The following PTGIS variants were observed in gnomAD, a reference collection of about 807,000 sequenced individuals.
The protein encoded by PTGIS is prostaglandin I2 synthase.
PTGIS carries 45 observed loss-of-function variants against 50.3 expected under a neutral mutation model. The ratio of observed to expected loss-of-function variants is 0.90; its 90% CI spans 0.70 to 1.15. The LOEUF is 1.15. Ranked by LOEUF, PTGIS falls within the 50% of genes most tolerant of loss-of-function variation. The pLI, the probability that PTGIS is intolerant of heterozygous loss-of-function variation, is 0.00. For synonymous variants in PTGIS, 260 were observed against 267.7 expected, an observed-to-expected ratio of 0.97 and a Z score of 0.28; for missense variants, 668 against 661.3, an observed-to-expected ratio of 1.01 and a Z score of -0.11.
rs1252946121 is a variant in PTGIS at position 49,506,534 on chromosome 20, C to A, written c.*1386G>T. ...CTGGGATTACAGGCACGCACCGCCA[C>A]ACCTGACTAATTTTTTTATGTTTAG... On this transcript the variant is annotated 3_prime_UTR_variant, in exon 10 of 10. Coordinates refer to ENST00000244043, the MANE Select transcript of PTGIS (RefSeq NM_000961.4). The A allele has an allele frequency of 6.6e-6, 1 of 152,176 alleles. No individual in the cohort carries two copies. Among genetic ancestry groups the A allele is most frequent in the African/African-American group, 2.4e-5 (1 of 41,440 alleles). The allele number at this position is 152,176 out of a possible 1,614,324, so 9.4% of individuals were successfully genotyped here.
chr20:49,514,260 G>C lies in PTGIS; in HGVS notation c.991C>G (p.Pro331Ala), dbSNP rs757037824. Residue 331 changes from proline to alanine, a missense_variant, in exon 7 of 10, where the codon CCA becomes GCA. By Grantham distance (27) the Pro-to-Ala change is conservative. Coordinates refer to ENST00000244043, the MANE Select transcript of PTGIS (RefSeq NM_000961.4). ...GGTGTGCTGTCTAGAACCTTCTGTG[G>C]GAGAGTGGTCGTCTGCGAGACAGGC... ...EQPVSQTTTL[P>A]QKVLDSTPVL... is the part of the protein sequence containing the mutation. 5 of 1,614,056 alleles carry C rather than the reference G, an allele frequency of 3.1e-6. No individual in the cohort carries two copies. Among genetic ancestry groups the C allele is most frequent in the African/African-American group, 1.3e-5 (1 of 75,046 alleles).
chr20:49,519,657 A>C (rs1304300664), intron 6 of PTGIS, among the ~76,000 whole-genome samples: 1 of 151,842 alleles, frequency 6.6e-6, no homozygotes, highest in Admixed American at 6.6e-5. Context: ...TCTCTTCTCC[A>C]GGTGTCCACT....
chr20:49,533,034 T>C (rs1185413817), intron 5 of PTGIS, among the ~76,000 whole-genome samples: 1 of 152,186 alleles, frequency 6.6e-6, no homozygotes, highest in South Asian at 2.1e-4. Flanking sequence ...TTAAACCAGA[T>C]TGGTGTATCT....
intron 6 of PTGIS, among the ~76,000 whole-genome samples, chr20:49,523,222 G>A (rs187888072): frequency 4.6e-5 from 7 of 152,270 alleles, no homozygotes; most frequent in Non-Finnish European, 1.0e-4. Context: ...TTATTGTACT[G>A]TGGTCATGCA....
At chr20:49,566,177 C>A (rs1363779507) in intron 1 of PTGIS, among the ~76,000 whole-genome samples, 1 of 152,038 alleles carries the variant, frequency 6.6e-6, no homozygotes, top group Non-Finnish European at 1.5e-5. Context: ...TTGCGGTGAG[C>A]CGAGATCGTG....
intron 5 of PTGIS, among the ~76,000 whole-genome samples, chr20:49,530,084 G>A (rs560323799): frequency 1.6e-4 from 24 of 151,864 alleles, no homozygotes; most frequent in Non-Finnish European, 2.9e-4. Context: ...AATCTGGGGG[G>A]CGGAGGTTGT....
rs561545897 is a variant in PTGIS, at chr20:49,516,547, A to G, written c.856-2152T>C. On this transcript the variant is annotated intron_variant, in intron 6 of 9. Transcript: ENST00000244043. ...TCATGAGAGATGCTCATGTTACAATATTAAACCAAATAGAAGGTTAGATTA... is the reference window on the plus strand; with the variant it reads ...TCATGAGAGATGCTCATGTTACAATGTTAAACCAAATAGAAGGTTAGATTA... 2.6e-5 allele frequency among the ~76,000 whole-genome samples: 4 copies of G among 152,370 alleles called. No individual in the cohort carries two copies. In the East Asian group the frequency reaches 7.7e-4, roughly 29 times the overall value.
At chr20:49,539,540 C>A (rs749319591) in intron 5 of PTGIS, 30 bp downstream of exon 5, 8 of 1,609,066 alleles carry the variant, frequency 5.0e-6, no homozygotes, top group Non-Finnish European at 1.7e-6. Flanking sequence ...CATCCTCCCC[C>A]CCACCCACTG....
rs116853191 is a variant in PTGIS at position 49,537,305 on chromosome 20, G to A, written c.673+2265C>T. 7.6e-3 allele frequency among the ~76,000 whole-genome samples: 1,161 copies of A among 152,324 alleles called. 9 individuals carry two copies. Among genetic ancestry groups the A allele is most frequent in the Non-Finnish European group, 0.012 (847 of 68,034 alleles). ...CCTACGGCCCCTGCACACGGAATCA[G>A]CCAGGACACTCTACCAACACTAAGT... On this transcript the variant is annotated intron_variant, in intron 5 of 9. Coordinates refer to ENST00000244043, the MANE Select transcript of PTGIS (RefSeq NM_000961.4).
chr20:49,539,517 C>G, intron 5 of PTGIS, 53 bp downstream of exon 5: 2 of 1,589,558 alleles, frequency 1.3e-6, no homozygotes, highest in Non-Finnish European at 1.7e-6. Context: ...TGGGCTCCCC[C>G]TCTGGGTCTT....
In PTGIS at chr20:49,504,287, T is replaced by C. The variant is rs1158085430; in HGVS notation, c.*3633A>G. On this transcript the variant is annotated 3_prime_UTR_variant, in exon 10 of 10. Coordinates refer to ENST00000244043, the MANE Select transcript of PTGIS (RefSeq NM_000961.4). ...GCTCTCAGCCTTGGCCACACCAGCATGGAGCCCCCTTCCCCAGCGAATTTA... is the reference window on the plus strand; with the variant it reads ...GCTCTCAGCCTTGGCCACACCAGCACGGAGCCCCCTTCCCCAGCGAATTTA... 1 of 152,316 alleles carries C rather than the reference T, an allele frequency of 6.6e-6. No homozygotes were observed. The highest frequency in any genetic ancestry group is 1.5e-5 in the Non-Finnish European group (1 of 68,090). 9.4% of individuals were successfully genotyped at this position (152,316 alleles called of 1,614,324 possible).
chr20:49,507,662 G>A lies in PTGIS; in HGVS notation c.*258C>T. On this transcript the variant is annotated 3_prime_UTR_variant, in exon 10 of 10. Transcript: ENST00000244043. Reference sequence around the variant, plus strand: ...GGATATCACGAGGTGAGAGTAACGAGGTGAATTGGGAGCAGACAAAGCCTG... The same window carrying A: ...GGATATCACGAGGTGAGAGTAACGAAGTGAATTGGGAGCAGACAAAGCCTG... 1 of 557,270 alleles carries A rather than the reference G, an allele frequency of 1.8e-6. No homozygotes were observed. The highest frequency in any genetic ancestry group is 4.8e-4 in the Middle Eastern group (1 of 2,062). The allele number at this position is 557,270 out of a possible 1,614,324, so 34.5% of individuals were successfully genotyped here. A position where few individuals can be genotyped will look rare whatever the true frequency, so the allele number is the denominator to read the frequency against.
intron 6 of PTGIS, among the ~76,000 whole-genome samples, chr20:49,520,964 T>C (rs947337560): frequency 6.6e-6 from 1 of 152,228 alleles, no homozygotes; most frequent in Non-Finnish European, 1.5e-5. Context: ...AGCTTATGTG[T>C]TTATTAATTG....
chr20:49,547,696 T>C (rs1982396155), intron 3 of PTGIS, 145 bp downstream of exon 3: 1 of 968,270 alleles, frequency 1.0e-6, no homozygotes, highest in African/African-American at 1.6e-5. Flanking sequence ...TTTTGGGTTG[T>C]TTTTTGTTTT....
At chr20:49,535,595 C>T (rs543252142) in intron 5 of PTGIS, among the ~76,000 whole-genome samples, 42 of 152,316 alleles carry the variant, frequency 2.8e-4, no homozygotes, top group Admixed American at 5.2e-4. Context: ...CTCACTGTAA[C>T]CTCTGTCTCA....
At chr20:49,517,701 C>T (rs1370409732) in intron 6 of PTGIS, among the ~76,000 whole-genome samples, 2 of 152,188 alleles carry the variant, frequency 1.3e-5, no homozygotes, top group African/African-American at 4.8e-5. Context: ...CCAGACCACA[C>T]CCTTGGTGAT....
Position 49,511,085 on chromosome 20 carries a change from C to T in PTGIS, c.1301G>A (p.Trp434Ter). 6.2e-7 allele frequency: 1 copy of T among 1,614,160 alleles called. No homozygotes were observed. Among genetic ancestry groups the T allele is most frequent in the Non-Finnish European group, 8.5e-7 (1 of 1,180,004 alleles). Reference sequence around the variant, plus strand: ...CAGGCAGTGATTGTGCCCCGCCCCCCAGGGCATGTTGTAATTCTTCAGCCG... The same window carrying T: ...CAGGCAGTGATTGTGCCCCGCCCCCTAGGGCATGTTGTAATTCTTCAGCCG... ...GKRLKNYNMP[W>*]GAGHNHCLGR... The change falls in exon 9 of 10, where the codon TGG becomes TAG. Residue 434 changes from tryptophan (W) to a stop codon, truncating the protein, a stop_gained. Coordinates refer to ENST00000244043, the MANE Select transcript of PTGIS (RefSeq NM_000961.4). LOFTEE classifies it high-confidence loss of function.
At chr20:49,523,658 G>T (rs1405128212) in intron 6 of PTGIS, among the ~76,000 whole-genome samples, 1 of 151,830 alleles carries the variant, frequency 6.6e-6, no homozygotes, top group Non-Finnish European at 1.5e-5. Context: ...AGGCAACTGT[G>T]GTCCCAGCTA....
At chr20:49,509,088 G>A (rs1601175278) in intron 9 of PTGIS, among the ~76,000 whole-genome samples, 2 of 152,362 alleles carry the variant, frequency 1.3e-5, no homozygotes, top group Non-Finnish European at 2.9e-5. Flanking sequence ...GGGCTGTGCC[G>A]CTTATGGGAA....
Sources: allele counts gnomAD v4.1 joint callset (sites outside exome capture counted in the v4.1 genomes callset), GRCh38; gene constraint gnomAD v4.1.1; transcripts MANE v1.5; gene names NCBI Gene and HGNC (gene_info 2026-07-23, HGNC 2026-07-21).